Variants in MAF observed in about 807,000 individuals in gnomAD.
The protein encoded by MAF is transcription factor Maf.
Under a neutral mutation model 22.0 loss-of-function variants are expected in MAF, and 10 were observed. The ratio of observed to expected loss-of-function variants is 0.45; its 90% confidence interval spans 0.28 to 0.77. MAF has a LOEUF of 0.77. Ranked by LOEUF, MAF falls within the 30% of genes least tolerant of loss-of-function variation. The pLI, the probability that MAF is intolerant of heterozygous loss-of-function variation, is 0.12. For synonymous variants in MAF, 337 were observed against 255.8 expected, an observed-to-expected ratio of 1.32 and a Z score of -3.03; for missense variants, 544 against 548.4, an observed-to-expected ratio of 0.99 and a Z score of 0.08.
intron 1 of MAF, chr16:79,598,395 T>G: frequency 2.6e-6 from 3 of 1,164,994 alleles, no homozygotes; most frequent in African/African-American, 3.7e-5. Flanking sequence ...ACGTTTCACA[T>G]GAAGAACTCT....
At chr16:79,519,639 T>C in the MAF span, among the ~76,000 whole-genome samples, 2 of 152,168 alleles carry the variant, frequency 1.3e-5, no homozygotes, top group East Asian at 1.9e-4. Context: ...GTAGCCCGGG[T>C]GGCCTGGCAG....
At chr16:79,239,708 G>A in the MAF span, among the ~76,000 whole-genome samples, 1 of 151,986 alleles carries the variant, frequency 6.6e-6, no homozygotes, top group East Asian at 1.9e-4. Context: ...AGCTCTGTGA[G>A]GGCCAAAGCC....
the MAF span, among the ~76,000 whole-genome samples, chr16:79,296,925 A>C: frequency 3.3e-5 from 5 of 152,304 alleles, no homozygotes; most frequent in African/African-American, 1.2e-4. Flanking sequence ...CTGTGCGGGC[A>C]CAAAACTTTG....
chr16:79,387,978 T>C, the MAF span, among the ~76,000 whole-genome samples: 1 of 152,140 alleles, frequency 6.6e-6, no homozygotes, highest in Non-Finnish European at 1.5e-5. Context: ...ATAAGTTCCT[T>C]GTGAATGGGC....
chr16:79,333,918 G>A, the MAF span, among the ~76,000 whole-genome samples: 7 of 152,076 alleles, frequency 4.6e-5, no homozygotes, highest in East Asian at 3.9e-4. Flanking sequence ...ATCTGATGCC[G>A]GATCGCAGCA....
the MAF span, among the ~76,000 whole-genome samples, chr16:79,340,995 C>G: frequency 3.3e-5 from 5 of 152,140 alleles, no homozygotes; most frequent in Admixed American, 1.3e-4. Context: ...GAAGAGGGAC[C>G]AGCTATGCAA....
the MAF span, among the ~76,000 whole-genome samples, chr16:79,351,029 T>C: frequency 2.0e-5 from 3 of 152,142 alleles, no homozygotes; most frequent in African/African-American, 7.2e-5. Flanking sequence ...ACAGACACAC[T>C]GGCCACTTCC....
chr16:79,580,534 G>A, the MAF span, among the ~76,000 whole-genome samples: 31 of 152,238 alleles, frequency 2.0e-4, no homozygotes, highest in East Asian at 1.9e-4. Flanking sequence ...ACAGTACCTC[G>A]GGGGAAAGAA....
At chr16:79,234,010 G>C in the MAF span, among the ~76,000 whole-genome samples, 6 of 150,116 alleles carry the variant, frequency 4.0e-5, no homozygotes, top group East Asian at 9.7e-4. Flanking sequence ...AAAAAAGAGA[G>C]TAAGTGTATA....
At chr16:79,233,136 G>A in the MAF span, among the ~76,000 whole-genome samples, 258 of 151,980 alleles carry the variant, frequency 1.7e-3, 1 homozygote, top group African/African-American at 5.6e-3. Flanking sequence ...CACCGCGCCC[G>A]GCCTTGATAG....
At chr16:79,207,057 A>T in the MAF span, among the ~76,000 whole-genome samples, 1 of 152,158 alleles carries the variant, frequency 6.6e-6, no homozygotes, top group Non-Finnish European at 1.5e-5. Flanking sequence ...GAGAGTGGTT[A>T]TAGCCTCTCC....
chr16:79,227,281 G>A, the MAF span, among the ~76,000 whole-genome samples: 1 of 152,066 alleles, frequency 6.6e-6, no homozygotes, highest in African/African-American at 2.4e-5. Flanking sequence ...GGCCTGGGAG[G>A]TCAAGACTGC....
the MAF span, among the ~76,000 whole-genome samples, chr16:79,402,129 C>G: frequency 3.9e-4 from 59 of 152,274 alleles, no homozygotes; most frequent in African/African-American, 1.3e-3. Context: ...CTTAAGCTAG[C>G]AGAATTGCTG....
the MAF span, among the ~76,000 whole-genome samples, chr16:79,293,163 G>C: frequency 2.6e-5 from 4 of 151,890 alleles, no homozygotes; most frequent in Non-Finnish European, 4.4e-5. Context: ...GTTTTCTTGC[G>C]TGAGGTCCAA....
chr16:79,255,927 G>A, the MAF span, among the ~76,000 whole-genome samples: 15,089 of 147,850 alleles, frequency 0.1, 1,618 homozygotes, highest in African/African-American at 0.27. Context: ...AGCTATTATT[G>A]TTAGCTAGAG....
chr16:79,559,937 T>C, the MAF span, among the ~76,000 whole-genome samples: 1 of 152,196 alleles, frequency 6.6e-6, no homozygotes, highest in Non-Finnish European at 1.5e-5. Flanking sequence ...AGGGTCTGGC[T>C]CTGTCATCTA....
chr16:79,599,453 C>A lies in MAF; in HGVS notation c.450G>T (p.Leu150Phe). ...AAAGAGAGAS[L>F]GGSGEEMGPA... ...GGCCCATCTCCTCGCCGCTGCCGCC[C>A]AAGGAGGCGCCGGCACCGGCCCCGG... The change falls in exon 1 of 2, where the codon TTG becomes TTT. Residue 150 changes from leucine (L) to phenylalanine (F), a missense_variant. By Grantham distance (22) the Leu-to-Phe change is conservative. Around this residue, in one of 5 missense-constraint regions of MAF, gnomAD observed 342 missense variants for 315.5 expected, o/e 1.08. Coordinates refer to ENST00000326043, the MANE Select transcript of MAF (RefSeq NM_005360.5). 4 of 1,307,452 alleles carry A rather than the reference C, an allele frequency of 3.1e-6. No individual in the cohort carries two copies. Among genetic ancestry groups the A allele is most frequent in the Non-Finnish European group, 2.9e-6 (3 of 1,037,216 alleles). The allele number at this position is 1,307,452 out of a possible 1,614,324, so 81.0% of individuals were successfully genotyped here. A position where few individuals can be genotyped will look rare whatever the true frequency, so the allele number is the denominator to read the frequency against.
chr16:79,530,462 T>A, the MAF span, among the ~76,000 whole-genome samples: 3 of 152,264 alleles, frequency 2.0e-5, no homozygotes, highest in South Asian at 2.1e-4. Flanking sequence ...GGGAAAAAAA[T>A]TTTATTTTTG....
At chr16:79,477,295 G>C in the MAF span, among the ~76,000 whole-genome samples, 1 of 152,186 alleles carries the variant, frequency 6.6e-6, no homozygotes, top group East Asian at 1.9e-4. Context: ...CAGGACCCTG[G>C]AGCATGGGTT....
Sources: allele counts gnomAD v4.1 joint callset (sites outside exome capture counted in the v4.1 genomes callset), GRCh38; gene constraint gnomAD v4.1.1; regional missense constraint gnomAD v4.1.1; transcripts MANE v1.5; gene names NCBI Gene and HGNC (gene_info 2026-07-23, HGNC 2026-07-21).